Variants in CHD1 observed in about 807,000 individuals in gnomAD.
The protein encoded by CHD1 is ATP-dependent chromatin remodeler CHD1.
Under a neutral mutation model 224.2 loss-of-function variants are expected in CHD1, and 36 were observed. That is an observed-to-expected ratio of 0.16 (90% confidence interval 0.12 to 0.21). CHD1 has a LOEUF of 0.21. CHD1 is among the 10% of genes least tolerant of loss of function. The pLI is 1.00. For missense variants in CHD1, 1,378 were observed against 1,994.8 expected, an observed-to-expected ratio of 0.69 and a Z score of 5.89; for synonymous variants, 668 against 658.3, an observed-to-expected ratio of 1.01 and a Z score of -0.23.
chr5:98,911,028 C>T (rs1744951163), intron 2 of CHD1, among the ~76,000 whole-genome samples: 3 of 150,476 alleles, frequency 2.0e-5, no homozygotes, highest in Admixed American at 1.3e-4. Flanking sequence ...CTAAATACTA[C>T]TGCACACTTA....
At chr5:98,871,021 C>T (rs917942814) in intron 28 of CHD1, among the ~76,000 whole-genome samples, 2 of 151,792 alleles carry the variant, frequency 1.3e-5, no homozygotes, top group Middle Eastern at 3.4e-3. Context: ...CTTCAAAAAC[C>T]CTCAGATTAT....
At chr5:98,889,564 G>A (rs148622832) in intron 15 of CHD1, among the ~76,000 whole-genome samples, 3 of 144,476 alleles carry the variant, frequency 2.1e-5, no homozygotes, top group East Asian at 1.9e-4. Flanking sequence ...TACTGCATTA[G>A]ACAGCTAATG....
At chr5:98,886,380 T>C (rs894178054) in intron 17 of CHD1, 4 of 152,220 alleles carry the variant, frequency 2.6e-5, no homozygotes, top group African/African-American at 9.6e-5. Flanking sequence ...CCCTCCTTCA[T>C]AGACTATAGA....
At chr5:98,914,353 C>G (rs1487016706) in intron 2 of CHD1, among the ~76,000 whole-genome samples, 3 of 152,174 alleles carry the variant, frequency 2.0e-5, no homozygotes, top group Non-Finnish European at 2.9e-5. Context: ...TTTTAGTTCT[C>G]TAATATAGTA....
Position 98,900,850 on chromosome 5 carries a change from T to C in CHD1, c.820A>G (p.Ile274Val). The change falls in exon 7 of 36, where the codon ATA becomes GTA. Residue 274 changes from isoleucine to valine, a missense_variant. Ile to Val is a conservative substitution (Grantham distance 29, BLOSUM62 3). Coordinates refer to ENST00000614616, the MANE Select transcript of CHD1 (RefSeq NM_001270.4). ...ATCCGACAATCCATAAATCTTTCTA[T>C]GGTTTCAAATTCCTCTTCCTCAGGT... ...PQPEEEEFET[I>V]ERFMDCRIGR... 1 of 1,612,550 alleles carries C rather than the reference T, an allele frequency of 6.2e-7. No individual in the cohort carries two copies. The highest frequency in any genetic ancestry group is 2.2e-5 in the East Asian group (1 of 44,870).
At chr5:98,920,266 C>T (rs1183392944) in intron 2 of CHD1, among the ~76,000 whole-genome samples, 2 of 152,110 alleles carry the variant, frequency 1.3e-5, no homozygotes, top group African/African-American at 4.8e-5. Context: ...TAATTCCTAT[C>T]CCAACCCTCT....
chr5:98,873,583 T>C lies in CHD1; in HGVS notation c.3571+10A>G. The stretch of plus-strand genomic sequence containing the variant: ...ACTTCTCTTTTAAATCACTCTCAGT[T>C]TAATGTTACCTGTTCGTTCTGTTCC... On this transcript the variant is annotated intron_variant, in intron 26 of 35. Transcript: ENST00000614616. 11 of 1,574,198 alleles carry C rather than the reference T, an allele frequency of 7.0e-6. No individual in the cohort carries two copies. Among genetic ancestry groups the C allele is most frequent in the African/African-American group, 1.4e-5 (1 of 73,152 alleles).
In CHD1 at chr5:98,928,693, A is replaced by G. The variant is rs888660074; in HGVS notation, c.-303T>C. ...GGGGAAGGGGACAGACGCGGAGGGG[A>G]AGGGGAAGCCCCGGTCCGCAGCACC... On this transcript the variant is annotated 5_prime_UTR_variant, in exon 1 of 36. Transcript: ENST00000614616. The G allele has an allele frequency of 5.2e-5, 8 of 153,184 alleles. No homozygotes were observed. Among genetic ancestry groups the G allele is most frequent in the African/African-American group, 1.9e-4 (8 of 41,362 alleles). The allele number at this position is 153,184 out of a possible 1,614,324, so 9.5% of individuals were successfully genotyped here. A position where few individuals can be genotyped will look rare whatever the true frequency, so the allele number is the denominator to read the frequency against.
chr5:98,911,817 T>C (rs1752442186), intron 2 of CHD1, among the ~76,000 whole-genome samples: 3 of 152,092 alleles, frequency 2.0e-5, no homozygotes, highest in South Asian at 2.1e-4. Context: ...GCCAATGTCA[T>C]GAAAGACAAA....
At chr5:98,858,576 T>C (rs1008241830) in intron 34 of CHD1, 186 bp from the exon 35 acceptor site, 6 of 540,252 alleles carry the variant, frequency 1.1e-5, no homozygotes, top group Non-Finnish European at 1.9e-5. Context: ...AAAAGGTTGC[T>C]TGATTCTGAA....
rs117508248 is a variant in CHD1, at chr5:98,911,983, C to A, written c.54-6885G>T. On this transcript the variant is annotated intron_variant, in intron 2 of 35. Coordinates refer to ENST00000614616, the MANE Select transcript of CHD1 (RefSeq NM_001270.4). ...TGTAAATTTTCCTGAACTTAATAAA[C>A]AATATAGGCCTTGAGTAAAAGAATA... is the stretch of plus-strand genomic sequence containing the variant. 7.6e-4 allele frequency among the ~76,000 whole-genome samples: 116 copies of A among 151,978 alleles called. 3 individuals carry two copies. The East Asian group carries it at 0.02, about 26-fold the overall frequency.
intron 30 of CHD1, chr5:98,868,891 C>A: frequency 4.1e-6 from 2 of 493,582 alleles, no homozygotes; most frequent in Non-Finnish European, 5.7e-6. Flanking sequence ...ACTGCATACC[C>A]AAACATGCTT....
intron 19 of CHD1, among the ~76,000 whole-genome samples, 179 bp from the exon 20 acceptor site, chr5:98,882,302 T>C (rs1238668916): frequency 6.6e-6 from 1 of 152,142 alleles, no homozygotes; most frequent in Non-Finnish European, 1.5e-5. Flanking sequence ...CTTAAGGGAC[T>C]ATTTTGAAAC....
intron 31 of CHD1, 24 bp downstream of exon 31, chr5:98,868,471 A>C (rs1002742692): frequency 2.5e-6 from 4 of 1,585,518 alleles, no homozygotes; most frequent in Non-Finnish European, 3.4e-6. Context: ...GTTAATACTA[A>C]TAATCAGAAA....
intron 15 of CHD1, among the ~76,000 whole-genome samples, chr5:98,890,803 G>C (rs1750967161): frequency 6.6e-6 from 1 of 152,128 alleles, no homozygotes; most frequent in Admixed American, 6.5e-5. Context: ...TTAGAGGGAA[G>C]TACTATGCAA....
rs557811375 is a variant in CHD1 at position 98,916,498 on chromosome 5, T to C, written c.53+9836A>G. Among the ~76,000 whole-genome samples the C allele has an allele frequency of 9.4e-4, 133 of 140,786 alleles. 2 individuals are homozygous for C. The South Asian group carries it at 0.022, about 23-fold the overall frequency. 92.4% of individuals were successfully genotyped at this position (140,786 alleles called of 152,430 possible). A position where few individuals can be genotyped will look rare whatever the true frequency, so the allele number is the denominator to read the frequency against. ...AGGCAGAGGTTGTGGTGAGCCGAGA[T>C]TGCAACATTGCACTCCAGTCTGGGC... On this transcript the variant is annotated intron_variant, in intron 2 of 35. Coordinates refer to ENST00000614616, the MANE Select transcript of CHD1 (RefSeq NM_001270.4).
intron 25 of CHD1, 21 bp from the exon 26 acceptor site, chr5:98,873,744 T>G: frequency 6.3e-7 from 1 of 1,590,784 alleles, no homozygotes; most frequent in Non-Finnish European, 8.5e-7. Context: ...ATAATCCAAT[T>G]TTCAGGTAAA....
At chr5:98,875,750 GAA>G (rs1460523806) in intron 24 of CHD1, among the ~76,000 whole-genome samples, 1 of 151,970 alleles carries the variant, frequency 6.6e-6, no homozygotes, top group Non-Finnish European at 1.5e-5. Flanking sequence ...GATTTTAAAA[GAA>G]AAAAGTTACA....
At position 98,881,082 on chromosome 5, in the gene CHD1, C is replaced by T; in HGVS notation, c.3054G>A (p.Gln1018=). ...PLTVGDELLS[Q]FKVANFSNMD... ...AAATTTTGTTTAAATCTACCTTGAA[C>T]TGGGAAAGCAATTCATCTCCTACAG... Residue 1018 remains glutamine (Q), a synonymous_variant, in exon 22 of 36, where the codon CAG becomes CAA. Coordinates refer to ENST00000614616, the MANE Select transcript of CHD1 (RefSeq NM_001270.4). The T allele has an allele frequency of 6.2e-7, 1 of 1,603,550 alleles. No homozygotes were observed. Among genetic ancestry groups the T allele is most frequent in the South Asian group, 1.1e-5 (1 of 90,072 alleles).
Sources: gnomAD v4.1 joint callset for allele counts (sites outside exome capture counted in the v4.1 genomes callset) on GRCh38, gnomAD v4.1.1 for gene constraint, MANE v1.5 for transcripts, NCBI Gene and HGNC (gene_info 2026-07-23, HGNC 2026-07-21) for gene names.